IFI6: variants seen among roughly 807,000 people sequenced by gnomAD.
The protein encoded by IFI6 is interferon alpha inducible protein 6.
In IFI6, 10 loss-of-function variants were observed where a neutral mutation model predicts 12.7. The ratio of observed to expected loss-of-function variants is 0.79; its 90% CI spans 0.49 to 1.33. The LOEUF (loss-of-function observed/expected upper bound fraction) is 1.33. Among genes scored for constraint, IFI6 ranks in the 40% most tolerant of loss-of-function variants. The pLI is 0.00. For missense variants in IFI6, 154 were observed against 180.4 expected, an observed-to-expected ratio of 0.85 and a Z score of 0.84; for synonymous variants, 89 against 86.2, an observed-to-expected ratio of 1.03 and a Z score of -0.18.
chr1:27,666,417 G>A lies in IFI6; in HGVS notation c.357C>T (p.Thr119=). Residue 119 remains threonine, a synonymous_variant, in exon 5 of 5, where the codon ACC becomes ACT. Coordinates refer to ENST00000361157, the MANE Select transcript of IFI6 (RefSeq NM_002038.4). ...CCTCCTCACTATCGAGATACTTGTG[G>A]GTGGCGTAGCCCATCAGGGCACCAA... The part of the protein sequence containing the change: ...GNIGALMGYA[T]HKYLDSEEDE... 1 of 1,613,632 alleles carries A rather than the reference G, an allele frequency of 6.2e-7. No homozygotes were observed. The highest frequency in any genetic ancestry group is 8.5e-7 in the Non-Finnish European group (1 of 1,179,818).
At chr1:27,669,643 G>C in intron 1 of IFI6, 1 of 363,254 alleles carries the variant, frequency 2.8e-6, no homozygotes, top group South Asian at 2.4e-5. Flanking sequence ...TTGTACCCAA[G>C]TGACCTTGGG....
intron 4 of IFI6, 40 bp from the exon 5 acceptor site, chr1:27,666,515 C>G: frequency 6.9e-7 from 1 of 1,449,724 alleles, no homozygotes; most frequent in Non-Finnish European, 9.7e-7. Flanking sequence ...GGCCCAAGTG[C>G]CAGGCCTGGG....
intron 4 of IFI6, 120 bp from the exon 5 acceptor site, chr1:27,666,595 A>T: frequency 1.6e-6 from 1 of 635,694 alleles, no homozygotes; most frequent in Non-Finnish European, 2.7e-6. Context: ...AGAGGCCCTG[A>T]GAGGGGATGG....
At chr1:27,666,558 C>T in intron 4 of IFI6, 83 bp from the exon 5 acceptor site, 1 of 938,930 alleles carries the variant, frequency 1.1e-6, no homozygotes, top group East Asian at 2.5e-5. Flanking sequence ...TGGTTGAGTC[C>T]AACCCCTTAT....
intron 4 of IFI6, 75 bp downstream of exon 4, chr1:27,668,151 G>A: frequency 8.0e-7 from 1 of 1,252,184 alleles, no homozygotes; most frequent in Non-Finnish European, 1.1e-6. Context: ...ATTCCTGAGT[G>A]CCTCAGTTTC....
intron 4 of IFI6, among the ~76,000 whole-genome samples, chr1:27,666,917 C>G (rs1360736689): frequency 2.0e-5 from 3 of 152,058 alleles, no homozygotes; most frequent in Non-Finnish European, 2.9e-5. Flanking sequence ...GAGCAGGGCT[C>G]TCTTCTTTTG....
chr1:27,670,780 G>A (rs1176356376), intron 1 of IFI6, among the ~76,000 whole-genome samples: 1 of 152,106 alleles, frequency 6.6e-6, no homozygotes, highest in African/African-American at 2.4e-5. Context: ...TCATTACATA[G>A]GCATGACTGA....
In IFI6 at chr1:27,670,041, AGGGTC is replaced by A. The variant is rs1324086607; in HGVS notation, c.-32-700_-32-696del. On this transcript the variant is annotated intron_variant, in intron 1 of 4. Transcript: ENST00000361157. ...TCAGTCCTCTGGTGAACACCAGCTG[AGGGTC>A]CCCAAATTCAATTCTGACACCACTA... 10 of 152,310 alleles carry A rather than the reference AGGGTC, an allele frequency of 6.6e-5. 1 individual carries two copies. The highest frequency in any genetic ancestry group is 3.4e-3 in the Middle Eastern group (1 of 294). 9.4% of individuals were successfully genotyped at this position (152,310 alleles called of 1,614,324 possible).
In IFI6 at chr1:27,666,142, C is replaced by T; in HGVS notation, c.*239G>A. 5.2e-6 allele frequency: 2 copies of T among 385,592 alleles called. No homozygotes were observed. Among genetic ancestry groups the T allele is most frequent in the Non-Finnish European group, 9.4e-6 (2 of 213,604 alleles). 23.9% of individuals were successfully genotyped at this position (385,592 alleles called of 1,614,324 possible). ...GATAGACAAAGTTCTGGATTCTGGGCATCGTCGGCGCATGCTTGTAATCCT... is the reference window on the plus strand; with the variant it reads ...GATAGACAAAGTTCTGGATTCTGGGTATCGTCGGCGCATGCTTGTAATCCT... On this transcript the variant is annotated 3_prime_UTR_variant, in exon 5 of 5. Transcript: ENST00000361157.
chr1:27,666,407 G>T lies in IFI6; in HGVS notation c.367C>A (p.Leu123Ile). The change falls in exon 5 of 5, where the codon CTC (leucine) becomes ATC (isoleucine). Residue 123 changes from leucine to isoleucine, a missense_variant. Leu to Ile is a conservative substitution (Grantham distance 5). Coordinates refer to ENST00000361157, the MANE Select transcript of IFI6 (RefSeq NM_002038.4). ...TACTCCTCATCCTCCTCACTATCGA[G>T]ATACTTGTGGGTGGCGTAGCCCATC... Reference protein sequence around the residue: ...ALMGYATHKYLDSEEDEE With the variant: ...ALMGYATHKYIDSEEDEE 1.2e-6 allele frequency: 2 copies of T among 1,612,494 alleles called. No individual in the cohort carries two copies. Among genetic ancestry groups the T allele is most frequent in the East Asian group, 4.5e-5 (2 of 44,794 alleles).
intron 1 of IFI6, 112 bp downstream of exon 1, chr1:27,672,011 C>T (rs764755194): frequency 1.3e-5 from 2 of 152,208 alleles, no homozygotes; most frequent in Non-Finnish European, 2.9e-5. Context: ...AGGAGTGCTG[C>T]CTCCCAGGAG....
Position 27,666,317 on chromosome 1 carries a change from A to G in IFI6, c.*64T>C. On this transcript the variant is annotated 3_prime_UTR_variant, in exon 5 of 5. Transcript: ENST00000361157. ...AAAAAAAAAAAAAAAAAAAAAGGCA[A>G]AGTTCTAGATCCTAACTGGAAGAGT... is the stretch of plus-strand genomic sequence containing the variant. The G allele has an allele frequency of 2.9e-6, 2 of 688,074 alleles. No individual in the cohort carries two copies. Among genetic ancestry groups the G allele is most frequent in the Middle Eastern group, 2.6e-4 (1 of 3,878 alleles). The allele number at this position is 688,074 out of a possible 1,614,324, so 42.6% of individuals were successfully genotyped here.
chr1:27,668,271 C>T lies in IFI6; in HGVS notation c.253G>A (p.Gly85Ser). 1 of 1,581,620 alleles carries T rather than the reference C, an allele frequency of 6.3e-7. No homozygotes were observed. Among genetic ancestry groups the T allele is most frequent in the Non-Finnish European group, 8.6e-7 (1 of 1,168,364 alleles). ...LMSWSAILNGGGVPAGGLVAT... is the reference protein window; with the variant it reads ...LMSWSAILNGSGVPAGGLVAT... ...ACTAGCCCCCCGGCGGGCACGCCGC[C>T]CCCATTCAGGATCGCAGACCAGCTC... The change falls in exon 4 of 5, where the codon GGC becomes AGC. Residue 85 changes from glycine (G) to serine (S), a missense_variant. Physicochemically the swap from Gly to Ser is moderately conservative, Grantham distance 56 (BLOSUM62 0). Transcript: ENST00000361157.
chr1:27,669,378 G>T, intron 1 of IFI6, 32 bp from the exon 2 acceptor site: 1 of 1,393,228 alleles, frequency 7.2e-7, no homozygotes, highest in Non-Finnish European at 1.0e-6. Context: ...ATGGTCCCCG[G>T]AGCATTTTTG....
chr1:27,671,068 A>G (rs1376840384), intron 1 of IFI6, among the ~76,000 whole-genome samples: 1 of 152,216 alleles, frequency 6.6e-6, no homozygotes, highest in African/African-American at 2.4e-5. Flanking sequence ...TTTCCTTTAT[A>G]CCACAAAACT....
At chr1:27,669,005 CCG>C (rs2090380203) in intron 2 of IFI6, among the ~76,000 whole-genome samples, 12 of 149,258 alleles carry the variant, frequency 8.0e-5, no homozygotes, top group East Asian at 4.0e-4. Context: ...GCATCCTTAC[CCG>C]CATCCTTACC....
Position 27,668,098 on chromosome 1 carries a change from T to A in IFI6, c.298+128A>T. 5 of 917,788 alleles carry A rather than the reference T, an allele frequency of 5.4e-6. No individual in the cohort carries two copies. The South Asian group carries it at 8.0e-5, about 15-fold the overall frequency. 56.9% of individuals were successfully genotyped at this position (917,788 alleles called of 1,614,324 possible). A position where few individuals can be genotyped will look rare whatever the true frequency, so the allele number is the denominator to read the frequency against. ...TCAAAATAAATAAATAAAGAATCAC[T>A]TAATTCCTGGTAAACTACTTAATTA... On this transcript the variant is annotated intron_variant, in intron 4 of 4. Transcript: ENST00000361157.
In IFI6 at chr1:27,666,289, CAAAAAAAAAA is replaced by C. The variant is rs10649401; in HGVS notation, c.*82_*91del. The stretch of plus-strand genomic sequence containing the variant: ...TGGACAATATAGTGAGAACCCATCT[CAAAAAAAAAA>C]AAAAAAAAAAAAAGGCAAAGTTCTA... On this transcript the variant is annotated 3_prime_UTR_variant, in exon 5 of 5. Coordinates refer to ENST00000361157, the MANE Select transcript of IFI6 (RefSeq NM_002038.4). The C allele has an allele frequency of 5.9e-5, 15 of 255,992 alleles. No individual in the cohort carries two copies. The highest frequency in any genetic ancestry group is 1.8e-4 in the East Asian group (2 of 11,052). The allele number at this position is 255,992 out of a possible 1,614,324, so 15.9% of individuals were successfully genotyped here.
At chr1:27,669,191 C>G in intron 2 of IFI6, 54 bp downstream of exon 2, 3 of 1,538,736 alleles carry the variant, frequency 1.9e-6, no homozygotes, top group Non-Finnish European at 2.6e-6. Flanking sequence ...TTACTTGCAT[C>G]CTTACCTGCA....
Sources: allele counts gnomAD v4.1 joint callset (sites outside exome capture counted in the v4.1 genomes callset), GRCh38; gene constraint gnomAD v4.1.1; transcripts MANE v1.5; gene names NCBI Gene and HGNC (gene_info 2026-07-23, HGNC 2026-07-21).